Variants in TIPRL observed in about 807,000 individuals in gnomAD.
TIPRL encodes TOR signaling pathway regulator, also known as TIP41-like protein.
In TIPRL, 10 loss-of-function variants were observed where a neutral mutation model predicts 32.3. The observed-to-expected ratio is 0.31, with a 90% confidence interval of 0.19 to 0.52. The LOEUF (loss-of-function observed/expected upper bound fraction) is 0.52. TIPRL is among the 20% of genes least tolerant of loss of function. The pLI is 0.96. For missense variants in TIPRL, 250 were observed against 328.1 expected, an observed-to-expected ratio of 0.76 and a Z score of 1.84; for synonymous variants, 100 against 114.0, an observed-to-expected ratio of 0.88 and a Z score of 0.78.
intron 3 of TIPRL, among the ~76,000 whole-genome samples, chr1:168,188,983 G>GAAAAA (rs11445431): frequency 6.9e-6 from 1 of 145,172 alleles, no homozygotes; most frequent in Admixed American, 6.8e-5. Flanking sequence ...TCTGTCTCAA[G>GAAAAA]AAAAAAAAAA....
At chr1:168,179,233 C>T in intron 1 of TIPRL, 52 bp downstream of exon 1, 1 of 1,561,730 alleles carries the variant, frequency 6.4e-7, no homozygotes, top group Non-Finnish European at 8.8e-7. Context: ...TGGCCCAGGG[C>T]GGGAGGCAGG....
intron 5 of TIPRL, 114 bp downstream of exon 5, chr1:168,196,756 A>C (rs1040793944): frequency 1.6e-6 from 1 of 609,440 alleles, no homozygotes; most frequent in East Asian, 3.1e-5. Context: ...CAGTCTTTCT[A>C]ACTGTTAAGT....
At position 168,178,978 on chromosome 1, in the gene TIPRL, A is replaced by C. The variant is rs1319989460; in HGVS notation, c.-100A>C. On this transcript the variant is annotated 5_prime_UTR_variant, in exon 1 of 7. Coordinates refer to ENST00000367833, the MANE Select transcript of TIPRL (RefSeq NM_152902.5). ...GGGCCGGGCATGGTAACGGCTCGGA[A>C]GCCTAGGAGGCTGGGCCGGAGGGAG... is the stretch of plus-strand genomic sequence containing the variant. 2 of 1,065,912 alleles carry C rather than the reference A, an allele frequency of 1.9e-6. No homozygotes were observed. Among genetic ancestry groups the C allele is most frequent in the Non-Finnish European group, 2.7e-6 (2 of 749,738 alleles). 66.0% of individuals were successfully genotyped at this position (1,065,912 alleles called of 1,614,324 possible).
At chr1:168,179,206 G>T in intron 1 of TIPRL, 25 bp downstream of exon 1, 1 of 1,610,118 alleles carries the variant, frequency 6.2e-7, no homozygotes, top group Non-Finnish European at 8.5e-7. Context: ...CACGGGGTCT[G>T]GGCGCTGGCC....
At chr1:168,184,716 A>T in intron 2 of TIPRL, 63 bp from the exon 3 acceptor site, 1 of 983,366 alleles carries the variant, frequency 1.0e-6, no homozygotes, top group Non-Finnish European at 1.6e-6. Context: ...GATGTGATAT[A>T]TAAATACAGA....
chr1:168,196,742 A>G (rs1489894603), intron 5 of TIPRL, 100 bp downstream of exon 5: 35 of 742,624 alleles, frequency 4.7e-5, no homozygotes, highest in Non-Finnish European at 6.9e-5. Context: ...TCTATATTAT[A>G]TGGCAGTCTT....
intron 5 of TIPRL, among the ~76,000 whole-genome samples, chr1:168,197,978 A>G (rs976961124): frequency 6.6e-6 from 1 of 152,204 alleles, no homozygotes; most frequent in Non-Finnish European, 1.5e-5. Context: ...ATTGTTTATA[A>G]TAGCAGAAAG....
chr1:168,191,877 AAAAG>A (rs1482229641), intron 4 of TIPRL, among the ~76,000 whole-genome samples: 2 of 151,650 alleles, frequency 1.3e-5, no homozygotes, highest in East Asian at 3.9e-4. Flanking sequence ...AAAAAAAAAA[AAAAG>A]AATAACACTG....
rs533143006 is a variant in TIPRL at position 168,179,354 on chromosome 1, T to G, written c.104+173T>G. Among the ~76,000 whole-genome samples the G allele has an allele frequency of 2.0e-5, 3 of 152,236 alleles. No homozygotes were observed. In the South Asian group the frequency reaches 6.2e-4, roughly 32 times the overall value. Reference sequence around the variant, plus strand: ...ATAATCCAGTCACACTTCCGGGCCCTTTGGTTGGGGATCGCCAGGCGCTGC... The same window carrying G: ...ATAATCCAGTCACACTTCCGGGCCCGTTGGTTGGGGATCGCCAGGCGCTGC... On this transcript the variant is annotated intron_variant, in intron 1 of 6. Coordinates refer to ENST00000367833, the MANE Select transcript of TIPRL (RefSeq NM_152902.5).
At chr1:168,192,161 T>C (rs1016862372) in intron 4 of TIPRL, 3 of 1,444,224 alleles carry the variant, frequency 2.1e-6, no homozygotes, top group African/African-American at 1.5e-5. Flanking sequence ...AAATGATCCA[T>C]GTGTTATGAT....
chr1:168,197,705 A>G (rs1700172715), intron 5 of TIPRL, among the ~76,000 whole-genome samples: 1 of 151,852 alleles, frequency 6.6e-6, no homozygotes, highest in Non-Finnish European at 1.5e-5. Context: ...TGTTGTTTTT[A>G]ATGGAGTGAT....
intron 3 of TIPRL, among the ~76,000 whole-genome samples, chr1:168,187,284 G>C (rs1289873146): frequency 6.6e-6 from 1 of 152,164 alleles, no homozygotes; most frequent in Non-Finnish European, 1.5e-5. Flanking sequence ...ATGGGAACTT[G>C]TTTTAAACCC....
At chr1:168,179,836 A>G (rs1364802740) in intron 1 of TIPRL, among the ~76,000 whole-genome samples, 8 of 152,032 alleles carry the variant, frequency 5.3e-5, no homozygotes, top group Non-Finnish European at 1.0e-4. Context: ...GCCTGGGCTG[A>G]ATCTTGACAA....
chr1:168,190,019 T>A (rs979764328), intron 3 of TIPRL, among the ~76,000 whole-genome samples: 1 of 152,216 alleles, frequency 6.6e-6, no homozygotes, highest in Admixed American at 6.5e-5. Flanking sequence ...TAAAAATGTG[T>A]TCCTCTGAAC....
intron 3 of TIPRL, among the ~76,000 whole-genome samples, chr1:168,187,629 G>C (rs549355420): frequency 1.6e-4 from 25 of 152,288 alleles, no homozygotes; most frequent in Admixed American, 9.1e-4. Flanking sequence ...ACTTAGCCTT[G>C]TTTCAGTCAC....
chr1:168,192,605 A>G (rs769589077), intron 4 of TIPRL, among the ~76,000 whole-genome samples: 1 of 151,984 alleles, frequency 6.6e-6, no homozygotes, highest in Non-Finnish European at 1.5e-5. Context: ...CTTTTTAAAA[A>G]CCTCTCAATT....
chr1:168,193,575 A>G (rs16860171), intron 4 of TIPRL, among the ~76,000 whole-genome samples: 5,586 of 152,224 alleles, frequency 0.037, 347 homozygotes, highest in African/African-American at 0.13. Flanking sequence ...CTGGGTGTGC[A>G]TTTGTATCCA....
chr1:168,191,875 A>G (rs1037322205), intron 4 of TIPRL, among the ~76,000 whole-genome samples: 1 of 151,610 alleles, frequency 6.6e-6, no homozygotes, highest in Non-Finnish European at 1.5e-5. Context: ...AAAAAAAAAA[A>G]AAAAAGAATA....
intron 1 of TIPRL, among the ~76,000 whole-genome samples, chr1:168,183,196 A>C (rs1248983244): frequency 6.6e-6 from 1 of 152,134 alleles, no homozygotes; most frequent in Non-Finnish European, 1.5e-5. Context: ...TTTGGTTTGC[A>C]TAATCATTTG....
Sources: allele counts gnomAD v4.1 joint callset (sites outside exome capture counted in the v4.1 genomes callset), GRCh38; gene constraint gnomAD v4.1.1; transcripts MANE v1.5; gene names NCBI Gene and HGNC (gene_info 2026-07-23, HGNC 2026-07-21).